UNC5D: variants seen among roughly 807,000 people sequenced by gnomAD.
UNC5D encodes the protein netrin receptor UNC5D.
UNC5D carries 39 observed loss-of-function variants against 105.4 expected under a neutral mutation model. The observed-to-expected ratio is 0.37, with a 90% CI of 0.29 to 0.48. UNC5D has a LOEUF of 0.48. UNC5D is among the 20% of genes least tolerant of loss of function. The pLI, the probability that UNC5D is intolerant of heterozygous loss-of-function variation, is 0.98. For missense variants in UNC5D, 991 were observed against 1,202.4 expected (o/e 0.82, Z 2.60); for synonymous variants, 452 against 450.4 (o/e 1.00, Z -0.04).
intron 1 of UNC5D, among the ~76,000 whole-genome samples, chr8:35,474,427 T>C (rs2129880725): frequency 6.6e-6 from 1 of 152,322 alleles, no homozygotes; most frequent in Non-Finnish European, 1.5e-5. Flanking sequence ...ATAGCGACTG[T>C]TGAGAGGTGG....
chr8:35,657,104 A>G lies in UNC5D; in HGVS notation c.571-26443A>G, dbSNP rs1447558053. Among the ~76,000 whole-genome samples the G allele has an allele frequency of 4.8e-4, 55 of 115,776 alleles. 1 individual carries two copies. Among genetic ancestry groups the G allele is most frequent in the Admixed American group, 2.2e-3 (25 of 11,612 alleles). The allele number at this position is 115,776 out of a possible 152,430, so 76.0% of individuals were successfully genotyped here. On this transcript the variant is annotated intron_variant, in intron 4 of 16. Coordinates refer to ENST00000404895, the MANE Select transcript of UNC5D (RefSeq NM_080872.4). ...TGTATATATATATATATATATATATATATATATATATATATATATGCCAGT... is the reference window on the plus strand; with the variant it reads ...TGTATATATATATATATATATATATGTATATATATATATATATATGCCAGT...
intron 4 of UNC5D, among the ~76,000 whole-genome samples, chr8:35,629,528 C>T (rs768743787): frequency 7.9e-5 from 12 of 151,814 alleles, no homozygotes; most frequent in Non-Finnish European, 1.6e-4. Context: ...AAATAATAGA[C>T]ACTAGGACTC....
chr8:35,527,103 G>A (rs1471182328), intron 1 of UNC5D, among the ~76,000 whole-genome samples: 4 of 151,944 alleles, frequency 2.6e-5, no homozygotes, highest in African/African-American at 9.7e-5. Context: ...AAAACTGTAG[G>A]CAGGCTTTTT....
rs943184731 is a variant in UNC5D, at chr8:35,792,136, T to G, written c.*1573T>G. The G allele has an allele frequency of 6.6e-6, 1 of 151,812 alleles. No homozygotes were observed. The highest frequency in any genetic ancestry group is 1.5e-5 in the Non-Finnish European group (1 of 67,964). The allele number at this position is 151,812 out of a possible 1,614,324, so 9.4% of individuals were successfully genotyped here. On this transcript the variant is annotated 3_prime_UTR_variant, in exon 17 of 17. Coordinates refer to ENST00000404895, the MANE Select transcript of UNC5D (RefSeq NM_080872.4). Reference sequence around the variant, plus strand: ...GTCAGGGAATGGGGGAGGTGGGGAGTTGGGGAGTACTTGGCAGTTGGGATA... The same window carrying G: ...GTCAGGGAATGGGGGAGGTGGGGAGGTGGGGAGTACTTGGCAGTTGGGATA...
intron 1 of UNC5D, among the ~76,000 whole-genome samples, chr8:35,515,039 A>T (rs2130394158): frequency 6.6e-6 from 1 of 152,340 alleles, no homozygotes; most frequent in Middle Eastern, 3.4e-3. Flanking sequence ...GAAGCTGTGG[A>T]TGGATTTCCG....
At chr8:35,354,669 T>C (rs1801448218) in intron 1 of UNC5D, among the ~76,000 whole-genome samples, 1 of 152,172 alleles carries the variant, frequency 6.6e-6, no homozygotes, top group African/African-American at 2.4e-5. Flanking sequence ...TTTTCTTAGT[T>C]TACTTATGAT....
chr8:35,274,354 C>G (rs750204948), intron 1 of UNC5D, among the ~76,000 whole-genome samples: 1 of 152,148 alleles, frequency 6.6e-6, no homozygotes, highest in East Asian at 1.9e-4. Flanking sequence ...TTCAGCATAG[C>G]GGCACTCGTG....
At chr8:35,242,492 T>G (rs1802862736) in intron 1 of UNC5D, among the ~76,000 whole-genome samples, 2 of 152,136 alleles carry the variant, frequency 1.3e-5, no homozygotes, top group Non-Finnish European at 2.9e-5. Flanking sequence ...TATTTATTTA[T>G]TTTTGAGATG....
chr8:35,587,626 G>T (rs1310700760), intron 3 of UNC5D, among the ~76,000 whole-genome samples: 1 of 152,042 alleles, frequency 6.6e-6, no homozygotes, highest in Non-Finnish European at 1.5e-5. Flanking sequence ...TTCAGAATTT[G>T]CAATTCTGAA....
chr8:35,300,175 T>A (rs1460885248), intron 1 of UNC5D, among the ~76,000 whole-genome samples: 1 of 151,962 alleles, frequency 6.6e-6, no homozygotes, highest in Non-Finnish European at 1.5e-5. Context: ...AGACTGGGCA[T>A]GGTGGCTCAC....
chr8:35,342,562 A>C (rs1049319257), intron 1 of UNC5D, among the ~76,000 whole-genome samples: 2 of 152,064 alleles, frequency 1.3e-5, no homozygotes, highest in Non-Finnish European at 2.9e-5. Context: ...GCTAGGCCAC[A>C]TCATCATTTA....
chr8:35,479,065 G>A (rs537105017), intron 1 of UNC5D, among the ~76,000 whole-genome samples: 42 of 152,126 alleles, frequency 2.8e-4, no homozygotes, highest in Non-Finnish European at 4.9e-4. Flanking sequence ...TTCAGTACTG[G>A]ATTGCAGCAT....
chr8:35,435,911 T>G (rs987381576), intron 1 of UNC5D, among the ~76,000 whole-genome samples: 8 of 152,102 alleles, frequency 5.3e-5, no homozygotes, highest in Non-Finnish European at 1.2e-4. Context: ...GGTTACATTA[T>G]GGACTTGAAA....
At chr8:35,525,745 C>G in intron 1 of UNC5D, 1 of 1,566,780 alleles carries the variant, frequency 6.4e-7, no homozygotes, top group Non-Finnish European at 8.6e-7. Context: ...CTGAAGTACT[C>G]GCCCGGAGGA....
At chr8:35,504,862 C>T (rs1475296432) in intron 1 of UNC5D, among the ~76,000 whole-genome samples, 2 of 152,142 alleles carry the variant, frequency 1.3e-5, no homozygotes, top group East Asian at 1.9e-4. Flanking sequence ...TCCCCTCTTA[C>T]CATATGGCTC....
At chr8:35,667,952 A>T (rs1824537242) in intron 4 of UNC5D, among the ~76,000 whole-genome samples, 1 of 152,136 alleles carries the variant, frequency 6.6e-6, no homozygotes, top group Non-Finnish European at 1.5e-5. Context: ...ACTCATGATT[A>T]TTCTACTGGA....
chr8:35,374,859 C>T (rs1043080708), intron 1 of UNC5D, among the ~76,000 whole-genome samples: 1 of 152,138 alleles, frequency 6.6e-6, no homozygotes, highest in Non-Finnish European at 1.5e-5. Context: ...CTTTGGGGCT[C>T]TACTTTAATG....
chr8:35,748,572 C>T lies in UNC5D; in HGVS notation c.1812C>T (p.Thr604=), dbSNP rs745727394. ...AGGTGCTCCTGAGTCCTGAAGTCAC[C>T]TGTGGTCCTCCAGACATGATCGTCA... The part of the protein sequence containing the change: ...GSEVLLSPEV[T]CGPPDMIVTT... The change falls in exon 12 of 17, where the codon ACC becomes ACT. Residue 604 remains threonine, a synonymous_variant. Coordinates refer to ENST00000404895, the MANE Select transcript of UNC5D (RefSeq NM_080872.4). 2.8e-5 allele frequency: 45 copies of T among 1,613,918 alleles called. No homozygotes were observed. In the South Asian group the frequency reaches 4.7e-4, roughly 17 times the overall value.
rs1369903208 is a variant in UNC5D at position 35,247,641 on chromosome 8, A to C, written c.103+11754A>C. Among the ~76,000 whole-genome samples the C allele has an allele frequency of 2.6e-3, 150 of 58,340 alleles. 1 individual carries two copies. The highest frequency in any genetic ancestry group is 0.011 in the African/African-American group (144 of 13,246). 38.3% of individuals were successfully genotyped at this position (58,340 alleles called of 152,430 possible). On this transcript the variant is annotated intron_variant, in intron 1 of 16. Transcript: ENST00000404895. ...TATATAAAATATATATAATATATAAATATATATTATATATAAAATATATAT... is the reference window on the plus strand; with the variant it reads ...TATATAAAATATATATAATATATAACTATATATTATATATAAAATATATAT...
Sources: gnomAD v4.1 joint callset for allele counts (sites outside exome capture counted in the v4.1 genomes callset) on GRCh38, gnomAD v4.1.1 for gene constraint, MANE v1.5 for transcripts, NCBI Gene and HGNC (gene_info 2026-07-23, HGNC 2026-07-21) for gene names.